Variants in PAFAH2 observed in about 807,000 individuals in gnomAD.
PAFAH2 encodes platelet-activating factor acetylhydrolase 2, cytoplasmic.
A neutral mutation model predicts 49.0 loss-of-function variants in PAFAH2; 42 were observed. That is an observed-to-expected ratio of 0.86 (90% CI 0.67 to 1.11). The LOEUF (loss-of-function observed/expected upper bound fraction) is 1.11. Ranked by LOEUF, PAFAH2 falls within the 50% of genes least tolerant of loss-of-function variation. The pLI, the probability that PAFAH2 is intolerant of heterozygous loss-of-function variation, is 0.00. For missense variants in PAFAH2, 503 were observed against 501.8 expected, an observed-to-expected ratio of 1.00 and a Z score of -0.02; for synonymous variants, 184 against 181.3, an observed-to-expected ratio of 1.01 and a Z score of -0.12.
chr1:25,982,786 T>C (rs903889750), intron 6 of PAFAH2, among the ~76,000 whole-genome samples: 2 of 152,232 alleles, frequency 1.3e-5, no homozygotes, highest in South Asian at 4.1e-4. Context: ...AGTGCTGTTA[T>C]TAGCAAACCA....
chr1:25,989,118 T>A (rs2049834053), intron 3 of PAFAH2, among the ~76,000 whole-genome samples: 1 of 152,178 alleles, frequency 6.6e-6, no homozygotes, highest in South Asian at 2.1e-4. Flanking sequence ...ATGGAACACA[T>A]TATATGTCCC....
intron 10 of PAFAH2, among the ~76,000 whole-genome samples, chr1:25,970,668 C>A (rs763659334): frequency 3.3e-4 from 50 of 152,258 alleles, no homozygotes; most frequent in Non-Finnish European, 5.9e-4. Flanking sequence ...TCACTGCAGT[C>A]TTGACCTCCC....
chr1:25,985,366 C>G (rs1218260404), intron 4 of PAFAH2, among the ~76,000 whole-genome samples: 1 of 152,182 alleles, frequency 6.6e-6, no homozygotes, highest in Non-Finnish European at 1.5e-5. Flanking sequence ...AACCATAGGT[C>G]CATGACCCAT....
At chr1:25,993,820 G>C (rs1012116347) in intron 1 of PAFAH2, among the ~76,000 whole-genome samples, 19 of 152,066 alleles carry the variant, frequency 1.2e-4, no homozygotes, top group Non-Finnish European at 1.0e-4. Flanking sequence ...GCAGCTGCAA[G>C]TTCAACTGTC....
chr1:25,964,733 G>C (rs1389552711), intron 10 of PAFAH2, among the ~76,000 whole-genome samples: 1 of 152,086 alleles, frequency 6.6e-6, no homozygotes, highest in Non-Finnish European at 1.5e-5. Context: ...TCTACAAAGA[G>C]AGCTACAAAA....
chr1:25,974,635 C>T lies in PAFAH2; in HGVS notation c.774G>A (p.Leu258=). The T allele has an allele frequency of 6.2e-7, 1 of 1,613,648 alleles. No individual in the cohort carries two copies. Among genetic ancestry groups the T allele is most frequent in the Admixed American group, 1.7e-5 (1 of 59,972 alleles). The stretch of plus-strand genomic sequence containing the variant: ...GTTCCAGAGGAAACATCCAAGCATC[C>T]AGAGCCACCGCACACCTGGAATAGG... ...KETQFRCAVA[L]DAWMFPLERD... is the part of the protein sequence containing the mutation. The change falls in exon 9 of 11, where the codon CTG becomes CTA. Residue 258 remains leucine, a synonymous_variant. Coordinates refer to ENST00000374282, the MANE Select transcript of PAFAH2 (RefSeq NM_000437.4).
intron 10 of PAFAH2, among the ~76,000 whole-genome samples, chr1:25,963,776 C>T (rs955808148): frequency 1.3e-5 from 2 of 152,222 alleles, no homozygotes; most frequent in East Asian, 3.8e-4. Flanking sequence ...GTTGGGATTA[C>T]AGGCGTGAGC....
rs199824515 is a variant in PAFAH2, at chr1:25,984,479, C to T, written c.391G>A (p.Val131Ile). The T allele has an allele frequency of 6.2e-7, 1 of 1,613,736 alleles. No homozygotes were observed. Among genetic ancestry groups the T allele is most frequent in the East Asian group, 2.2e-5 (1 of 44,860 alleles). Residue 131 changes from valine (V) to isoleucine (I), a missense_variant, in exon 5 of 11, where the codon GTT becomes ATT. Val to Ile is a conservative substitution (Grantham distance 29). Coordinates refer to ENST00000374282, the MANE Select transcript of PAFAH2 (RefSeq NM_000437.4). ...CCTCACCTGTGCTCTGGCACAGCAA[C>T]CACAAAGCCACGTGAGGCCAGCTCC... ...CMELASRGFV[V>I]AVPEHRDRSA...
At chr1:25,969,786 T>A (rs1265413243) in intron 10 of PAFAH2, among the ~76,000 whole-genome samples, 1 of 152,178 alleles carries the variant, frequency 6.6e-6, no homozygotes, top group South Asian at 2.1e-4. Context: ...AATCGTGCCA[T>A]GGTGGGCTTC....
In PAFAH2 at chr1:25,988,284, T is replaced by A; in HGVS notation, c.288A>T (p.Thr96=). The A allele has an allele frequency of 1.2e-6, 2 of 1,610,940 alleles. No homozygotes were observed. The highest frequency in any genetic ancestry group is 1.7e-6 in the Non-Finnish European group (2 of 1,178,630). Residue 96 remains threonine (T), a synonymous_variant, in exon 4 of 11, where the codon ACA becomes ACT. Coordinates refer to ENST00000374282, the MANE Select transcript of PAFAH2 (RefSeq NM_000437.4). ...LPVSWNGPFK[T]KDSGYPLIIF... ...TGATCAAGGGGTATCCAGAGTCCTT[T>A]GTCTTAAAGGGGCCATTCCAGCTAA...
intron 1 of PAFAH2, among the ~76,000 whole-genome samples, chr1:25,993,674 G>A (rs2049903667): frequency 1.3e-5 from 2 of 152,164 alleles, no homozygotes; most frequent in South Asian, 4.1e-4. Context: ...TCAGTGGGTT[G>A]TTCAGCCAGA....
chr1:25,976,868 G>A, intron 7 of PAFAH2, 95 bp from the exon 8 acceptor site: 1 of 898,090 alleles, frequency 1.1e-6, no homozygotes, highest in South Asian at 1.5e-5. Flanking sequence ...GAGGCAATGA[G>A]GCCAAAGGCA....
At chr1:25,997,307 A>G (rs2049950013) in intron 1 of PAFAH2, 3 of 152,258 alleles carry the variant, frequency 2.0e-5, no homozygotes, top group Non-Finnish European at 4.4e-5. Context: ...ACAAGGTGGC[A>G]GAGCTAGAGA....
At chr1:25,983,599 G>A (rs1330848120) in intron 6 of PAFAH2, among the ~76,000 whole-genome samples, 1 of 151,108 alleles carries the variant, frequency 6.6e-6, no homozygotes, top group Non-Finnish European at 1.5e-5. Flanking sequence ...ACCTTGGAAA[G>A]TAGGCCAGTT....
intron 4 of PAFAH2, among the ~76,000 whole-genome samples, chr1:25,986,534 A>T (rs1044230655): frequency 1.1e-4 from 17 of 150,870 alleles, no homozygotes; most frequent in African/African-American, 4.1e-4. Flanking sequence ...GAGCTATTAA[A>T]TTTTTTTTTT....
intron 10 of PAFAH2, among the ~76,000 whole-genome samples, chr1:25,966,267 C>T (rs2049420801): frequency 6.6e-6 from 1 of 152,154 alleles, no homozygotes; most frequent in African/African-American, 2.4e-5. Context: ...CCACTACTGG[C>T]TATCTACCCA....
chr1:25,986,914 T>C (rs966214059), intron 4 of PAFAH2, among the ~76,000 whole-genome samples: 1 of 152,156 alleles, frequency 6.6e-6, no homozygotes, highest in African/African-American at 2.4e-5. Flanking sequence ...GGCACTGCTT[T>C]GAGTGCTGGA....
chr1:25,989,043 C>T (rs922560572), intron 3 of PAFAH2, among the ~76,000 whole-genome samples: 1 of 152,078 alleles, frequency 6.6e-6, no homozygotes, highest in African/African-American at 2.4e-5. Flanking sequence ...TTCTTTGATA[C>T]ACACAATAGC....
intron 10 of PAFAH2, among the ~76,000 whole-genome samples, chr1:25,968,702 A>G (rs1331110817): frequency 6.6e-6 from 1 of 152,022 alleles, no homozygotes; most frequent in East Asian, 1.9e-4. Context: ...CTCTTTGTAA[A>G]GCTAATTTGC....
Sources: gnomAD v4.1 joint callset for allele counts (sites outside exome capture counted in the v4.1 genomes callset) on GRCh38, gnomAD v4.1.1 for gene constraint, MANE v1.5 for transcripts, NCBI Gene and HGNC (gene_info 2026-07-23, HGNC 2026-07-21) for gene names.